AGTPBP1: variants seen among roughly 807,000 people sequenced by gnomAD.
AGTPBP1 encodes cytosolic carboxypeptidase 1.
AGTPBP1 carries 70 observed loss-of-function variants against 143.9 expected under a neutral mutation model. The ratio of observed to expected loss-of-function variants is 0.49; its 90% CI spans 0.40 to 0.59. The LOEUF (loss-of-function observed/expected upper bound fraction) is 0.59. Among genes scored for constraint, AGTPBP1 ranks in the 20% least tolerant of loss-of-function variants. The probability of loss-of-function intolerance (pLI) is 0.00; values close to 1 mark genes in which losing one functional copy is unlikely to be tolerated. For missense variants in AGTPBP1, 1,229 were observed against 1,464.5 expected, an observed-to-expected ratio of 0.84 and a Z score of 2.62; for synonymous variants, 463 against 500.2, an observed-to-expected ratio of 0.93 and a Z score of 0.99.
intron 3 of AGTPBP1, among the ~76,000 whole-genome samples, chr9:85,686,559 T>C (rs1302462393): frequency 6.6e-6 from 1 of 152,180 alleles, no homozygotes; most frequent in African/African-American, 2.4e-5. Flanking sequence ...TATCAATCTG[T>C]TGGCTCTTAA....
At chr9:85,752,355 T>C in the AGTPBP1 span, among the ~76,000 whole-genome samples, 1 of 152,168 alleles carries the variant, frequency 6.6e-6, no homozygotes, top group Non-Finnish European at 1.5e-5. Flanking sequence ...ACACAAGAAA[T>C]TGAACATTAC....
intron 14 of AGTPBP1, among the ~76,000 whole-genome samples, chr9:85,621,891 A>ATTGGTAGGG (rs1830960650): frequency 6.6e-6 from 1 of 152,082 alleles, no homozygotes; most frequent in Non-Finnish European, 1.5e-5. Flanking sequence ...ACAAAATAAA[A>ATTGGTAGGG]ATTCCTCCAA....
intron 1 of AGTPBP1, among the ~76,000 whole-genome samples, chr9:85,717,364 T>C (rs1837773707): frequency 6.6e-6 from 1 of 152,120 alleles, no homozygotes; most frequent in Non-Finnish European, 1.5e-5. Context: ...TAACTAGGTA[T>C]GGTGGCATAC....
At chr9:85,752,154 T>C in the AGTPBP1 span, among the ~76,000 whole-genome samples, 3 of 152,062 alleles carry the variant, frequency 2.0e-5, no homozygotes, top group Non-Finnish European at 4.4e-5. Context: ...TGAGAATTAC[T>C]TGAAACCCGG....
intron 11 of AGTPBP1, 111 bp downstream of exon 11, chr9:85,655,023 TGTTTATCAC>T: frequency 1.2e-6 from 1 of 860,910 alleles, no homozygotes. Context: ...AAAATGTGAA[TGTTTATCAC>T]GTTAAGTAAG....
At chr9:85,785,401 T>G in the AGTPBP1 span, among the ~76,000 whole-genome samples, 3 of 152,218 alleles carry the variant, frequency 2.0e-5, no homozygotes, top group Non-Finnish European at 2.9e-5. Flanking sequence ...CATCAATATG[T>G]TGAAGTTAGC....
the AGTPBP1 span, among the ~76,000 whole-genome samples, chr9:85,794,357 T>C: frequency 6.6e-6 from 1 of 152,228 alleles, no homozygotes; most frequent in Non-Finnish European, 1.5e-5. Context: ...GAGTTAAGGG[T>C]CCAACTTCAT....
At chr9:85,711,233 T>G (rs1020606394) in intron 2 of AGTPBP1, among the ~76,000 whole-genome samples, 4 of 152,158 alleles carry the variant, frequency 2.6e-5, no homozygotes, top group Admixed American at 2.6e-4. Flanking sequence ...AAAGTAATTG[T>G]TCAGATGAGA....
At chr9:85,773,788 T>C in the AGTPBP1 span, 9 of 948,794 alleles carry the variant, frequency 9.5e-6, no homozygotes, top group African/African-American at 1.7e-5. Context: ...TAGATTATTA[T>C]ATTAGCTTAT....
At chr9:85,786,386 T>G in the AGTPBP1 span, 3 of 1,614,096 alleles carry the variant, frequency 1.9e-6, no homozygotes, top group South Asian at 3.3e-5. Context: ...CAGTCGACTG[T>G]CATCCCAAAT....
chr9:85,783,790 G>A, the AGTPBP1 span, among the ~76,000 whole-genome samples: 1 of 152,054 alleles, frequency 6.6e-6, no homozygotes, highest in African/African-American at 2.4e-5. Context: ...GCCGCCACCA[G>A]GCCCAGCTAA....
intron 24 of AGTPBP1, among the ~76,000 whole-genome samples, chr9:85,576,561 A>G (rs1428918657): frequency 1.3e-5 from 2 of 152,224 alleles, no homozygotes; most frequent in African/African-American, 2.4e-5. Flanking sequence ...AAGGTTATAC[A>G]TGTTTCTGAA....
the AGTPBP1 span, among the ~76,000 whole-genome samples, chr9:85,764,039 A>G: frequency 6.6e-6 from 1 of 152,162 alleles, no homozygotes; most frequent in Admixed American, 6.5e-5. Flanking sequence ...TAAACACACC[A>G]CATCTCAACC....
At chr9:85,690,750 T>A (rs1474562465) in intron 3 of AGTPBP1, among the ~76,000 whole-genome samples, 1 of 148,770 alleles carries the variant, frequency 6.7e-6, no homozygotes, top group African/African-American at 2.5e-5. Context: ...GTCAGGAGTA[T>A]TTTCAGTGGT....
intron 10 of AGTPBP1, 123 bp downstream of exon 10, chr9:85,657,311 AT>A: frequency 1.1e-6 from 1 of 887,532 alleles, no homozygotes; most frequent in East Asian, 2.7e-5. Flanking sequence ...TACTTTTAAG[AT>A]TTTCGAAAAA....
At chr9:85,786,206 G>A in the AGTPBP1 span, 1 of 1,595,258 alleles carries the variant, frequency 6.3e-7, no homozygotes, top group Non-Finnish European at 8.6e-7. Flanking sequence ...GGAAGAGAAA[G>A]AGAAATGGAC....
rs79047877 is a variant in AGTPBP1 at position 85,671,243 on chromosome 9, T to G, written c.568+1307A>C. On this transcript the variant is annotated intron_variant, in intron 7 of 25. Transcript: ENST00000357081. ...TTACAGCCATGTGCGACTGTACCAGTGTATTTTATTTTTAATCCAATACAG... is the reference window on the plus strand; with the variant it reads ...TTACAGCCATGTGCGACTGTACCAGGGTATTTTATTTTTAATCCAATACAG... 2.5e-3 allele frequency among the ~76,000 whole-genome samples: 384 copies of G among 152,228 alleles called. 8 individuals carry two copies. In the East Asian group the frequency reaches 0.037, roughly 15 times the overall value.
At chr9:85,789,806 T>C in the AGTPBP1 span, among the ~76,000 whole-genome samples, 4 of 152,148 alleles carry the variant, frequency 2.6e-5, no homozygotes, top group African/African-American at 2.4e-5. Flanking sequence ...ATTCCTTATA[T>C]AGAAAAAAAT....
intron 17 of AGTPBP1, among the ~76,000 whole-genome samples, chr9:85,614,717 A>T (rs1260909052): frequency 6.6e-6 from 1 of 152,144 alleles, no homozygotes; most frequent in East Asian, 1.9e-4. Flanking sequence ...TTAGAAACAC[A>T]GTGGTACTAG....
Sources: allele counts gnomAD v4.1 joint callset (sites outside exome capture counted in the v4.1 genomes callset), GRCh38; gene constraint gnomAD v4.1.1; transcripts MANE v1.5; gene names NCBI Gene and HGNC (gene_info 2026-07-23, HGNC 2026-07-21).